MTNAP1: variants seen among roughly 807,000 people sequenced by gnomAD.
MTNAP1 encodes mitochondrial nucleoid-associated protein 1.
chr17:73,242,202 G>A, the MTNAP1 span: 13 of 1,378,612 alleles, frequency 9.4e-6, no homozygotes, highest in East Asian at 4.8e-5. Context: ...AAGGGGGTAC[G>A]TTTCGGTAAA....
chr17:73,246,288 C>T, the MTNAP1 span, among the ~76,000 whole-genome samples: 12 of 152,188 alleles, frequency 7.9e-5, no homozygotes, highest in East Asian at 2.3e-3. Context: ...AATCCCAGCA[C>T]TTTGGTAGGC....
chr17:73,247,296 G>T, the MTNAP1 span: 117 of 1,614,174 alleles, frequency 7.2e-5, no homozygotes, highest in Admixed American at 1.3e-4. Context: ...GCATTGGTGT[G>T]GCGAAGACGA....
chr17:73,240,264 T>G, the MTNAP1 span, among the ~76,000 whole-genome samples: 3 of 152,218 alleles, frequency 2.0e-5, no homozygotes, highest in South Asian at 6.2e-4. Context: ...AATGTTGTAC[T>G]TAGTTTGGGA....
chr17:73,247,427 C>A, the MTNAP1 span: 1 of 1,354,340 alleles, frequency 7.4e-7, no homozygotes, highest in Non-Finnish European at 1.1e-6. Flanking sequence ...CCCTGTAACA[C>A]CTAAGTGTAG....
chr17:73,236,399 C>T, the MTNAP1 span: 940 of 1,613,924 alleles, frequency 5.8e-4, 13 homozygotes, highest in South Asian at 9.2e-3. Context: ...GGAGTAGAGA[C>T]GTGTGGGAGC....
the MTNAP1 span, chr17:73,242,206 C>A: frequency 3.7e-5 from 52 of 1,403,274 alleles, no homozygotes; most frequent in Non-Finnish European, 4.9e-5. Flanking sequence ...GGGTACGTTT[C>A]GGTAAACAAT....
chr17:73,246,815 A>G, the MTNAP1 span, among the ~76,000 whole-genome samples: 1 of 152,274 alleles, frequency 6.6e-6, no homozygotes, highest in East Asian at 1.9e-4. Context: ...ATTTTAGTTT[A>G]ATATTACTAA....
chr17:73,236,823 T>C, the MTNAP1 span: 17 of 1,613,882 alleles, frequency 1.1e-5, no homozygotes, highest in Non-Finnish European at 1.4e-5. Context: ...TCACCAATCA[T>C]GCTGCAGCTG....
At chr17:73,243,058 CCTCCAAGGGATT>C in the MTNAP1 span, 1 of 1,231,526 alleles carries the variant, frequency 8.1e-7, no homozygotes, top group South Asian at 1.3e-5. Flanking sequence ...GTTATGTGGA[CCTCCAAGGGATT>C]CTCTGAATTT....
At chr17:73,235,986 A>T in the MTNAP1 span, 1 of 1,614,240 alleles carries the variant, frequency 6.2e-7, no homozygotes, top group Non-Finnish European at 8.5e-7. Context: ...ATCCTTCAGA[A>T]GCTGGAGCGT....
chr17:73,248,143 T>C, the MTNAP1 span: 17 of 250,074 alleles, frequency 6.8e-5, no homozygotes, highest in Non-Finnish European at 9.3e-5. Context: ...AGGATACATT[T>C]TTCGCTCATG....
chr17:73,234,919 G>C, the MTNAP1 span, among the ~76,000 whole-genome samples: 1 of 152,016 alleles, frequency 6.6e-6, no homozygotes, highest in African/African-American at 2.4e-5. Context: ...GCTGTAATCA[G>C]TAACCTTTGG....
At chr17:73,247,279 C>G in the MTNAP1 span, 1 of 1,614,180 alleles carries the variant, frequency 6.2e-7, no homozygotes, top group Non-Finnish European at 8.5e-7. Flanking sequence ...GAGCACAGTA[C>G]CTCCATGCAT....
the MTNAP1 span, chr17:73,232,652 A>T: frequency 5.8e-5 from 13 of 224,488 alleles, no homozygotes; most frequent in Middle Eastern, 1.4e-3. Flanking sequence ...GGGGTTGGGC[A>T]GGGGCCTGGG....
At chr17:73,234,583 C>G in the MTNAP1 span, among the ~76,000 whole-genome samples, 21 of 148,574 alleles carry the variant, frequency 1.4e-4, no homozygotes, top group Non-Finnish European at 3.1e-4. Context: ...CCCAGCTCCT[C>G]GGGATGCTGA....
At chr17:73,246,542 TC>T in the MTNAP1 span, among the ~76,000 whole-genome samples, 43 of 152,124 alleles carry the variant, frequency 2.8e-4, no homozygotes, top group African/African-American at 9.9e-4. Context: ...GTCTCAAAAA[TC>T]CCAAAAAACC....
At chr17:73,245,293 C>A in the MTNAP1 span, 3 of 1,477,926 alleles carry the variant, frequency 2.0e-6, no homozygotes, top group Non-Finnish European at 1.8e-6. Context: ...ATATTTGGGA[C>A]AGGGAGAGGG....
chr17:73,235,380 C>T, the MTNAP1 span: 5 of 1,074,176 alleles, frequency 4.7e-6, no homozygotes, highest in African/African-American at 4.8e-5. Flanking sequence ...AAACATCTAG[C>T]TTGTTCCAAA....
At chr17:73,234,985 G>A in the MTNAP1 span, among the ~76,000 whole-genome samples, 1 of 152,144 alleles carries the variant, frequency 6.6e-6, no homozygotes. Flanking sequence ...GGGGGCTGAG[G>A]TGGGTGGATT....
Sources: allele counts gnomAD v4.1 joint callset (sites outside exome capture counted in the v4.1 genomes callset), GRCh38; gene constraint gnomAD v4.1.1; transcripts MANE v1.5; gene names NCBI Gene and HGNC (gene_info 2026-07-23, HGNC 2026-07-21).